PDE4D: variants seen among roughly 807,000 people sequenced by gnomAD.
PDE4D encodes the protein phosphodiesterase 4D.
A neutral mutation model predicts 87.4 loss-of-function variants in PDE4D; 24 were observed. The ratio of observed to expected loss-of-function variants is 0.27; its 90% CI spans 0.20 to 0.39. The LOEUF is 0.39. Among genes scored for constraint, PDE4D ranks in the 10% least tolerant of loss-of-function variants. PDE4D has a pLI of 1.00. For missense variants in PDE4D, 714 were observed against 1,041.0 expected (o/e 0.69, Z 4.32); for synonymous variants, 384 against 383.2 (o/e 1.00, Z -0.02).
chr5:59,524,310 C>T (rs570957287), intron 1 of PDE4D, among the ~76,000 whole-genome samples: 39 of 152,116 alleles, frequency 2.6e-4, no homozygotes, highest in Admixed American at 1.3e-4. Flanking sequence ...TATAGTGATA[C>T]GAACAATGAC....
intron 1 of PDE4D, among the ~76,000 whole-genome samples, chr5:59,233,782 T>C (rs376216749): frequency 2.0e-5 from 3 of 152,266 alleles, no homozygotes; most frequent in Admixed American, 1.3e-4. Context: ...CTGAGGGTGA[T>C]AGAGTAGGTC....
intron 1 of PDE4D, among the ~76,000 whole-genome samples, chr5:59,304,380 C>G (rs1443811442): frequency 6.6e-6 from 1 of 151,972 alleles, no homozygotes; most frequent in African/African-American, 2.4e-5. Context: ...ATTTGGATGC[C>G]CTTTATTTCT....
intron 3 of PDE4D, among the ~76,000 whole-genome samples, chr5:59,952,117 T>C (rs906523748): frequency 2.6e-5 from 4 of 152,166 alleles, no homozygotes; most frequent in South Asian, 2.1e-4. Flanking sequence ...AGAGATCTGA[T>C]AGTTTTCTAA....
intron 1 of PDE4D, among the ~76,000 whole-genome samples, chr5:59,714,566 C>T (rs1754712182): frequency 6.6e-6 from 1 of 152,194 alleles, no homozygotes; most frequent in Non-Finnish European, 1.5e-5. Flanking sequence ...GACAGCCATC[C>T]CATCTATTAC....
chr5:60,247,847 A>C (rs531231963), intron 1 of PDE4D, among the ~76,000 whole-genome samples: 9 of 152,154 alleles, frequency 5.9e-5, no homozygotes, highest in African/African-American at 2.2e-4. Context: ...CCATTAATTC[A>C]ATACAACTTG....
At chr5:59,643,389 C>G (rs1741927301) in intron 1 of PDE4D, among the ~76,000 whole-genome samples, 1 of 151,962 alleles carries the variant, frequency 6.6e-6, no homozygotes, top group Non-Finnish European at 1.5e-5. Flanking sequence ...TGTTGATCAG[C>G]CTGAGGAAGG....
At chr5:59,708,823 G>T (rs191289507) in intron 1 of PDE4D, among the ~76,000 whole-genome samples, 16 of 151,376 alleles carry the variant, frequency 1.1e-4, no homozygotes, top group Middle Eastern at 3.5e-3. Flanking sequence ...ATTAATGAAC[G>T]TTCCACTTCT....
intron 2 of PDE4D, among the ~76,000 whole-genome samples, chr5:60,140,980 C>A (rs538310729): frequency 4.7e-4 from 72 of 152,264 alleles, no homozygotes; most frequent in Non-Finnish European, 7.8e-4. Flanking sequence ...GGCAACTAAG[C>A]CCCTTGCGGG....
intron 5 of PDE4D, among the ~76,000 whole-genome samples, chr5:59,127,959 G>A (rs901667156): frequency 5.3e-5 from 8 of 151,588 alleles, no homozygotes; most frequent in Admixed American, 2.0e-4. Context: ...CCCCCTGAAG[G>A]AGAAGAGAGG....
At chr5:59,102,081 C>CA (rs1770834558) in intron 5 of PDE4D, among the ~76,000 whole-genome samples, 1 of 96,186 alleles carries the variant, frequency 1.0e-5, no homozygotes, top group Non-Finnish European at 2.0e-5. Flanking sequence ...TTTTTCCCTA[C>CA]TTTTTTTTTT....
chr5:60,365,463 C>T (rs148814245), intron 1 of PDE4D, among the ~76,000 whole-genome samples: 19 of 152,176 alleles, frequency 1.2e-4, no homozygotes, highest in Admixed American at 4.6e-4. Flanking sequence ...CCACTCCTTA[C>T]GGTTTTTTAA....
At chr5:59,006,756 G>T (rs1751700019) in intron 6 of PDE4D, among the ~76,000 whole-genome samples, 1 of 152,070 alleles carries the variant, frequency 6.6e-6, no homozygotes, top group Non-Finnish European at 1.5e-5. Flanking sequence ...TACATTTCAG[G>T]ATATTTGAAA....
At chr5:60,054,183 G>A (rs188793109) in intron 2 of PDE4D, among the ~76,000 whole-genome samples, 206 of 152,150 alleles carry the variant, frequency 1.4e-3, no homozygotes, top group African/African-American at 4.5e-3. Context: ...TCCCATTACC[G>A]GATATATACC....
At position 60,190,582 on chromosome 5, in the gene PDE4D, G is replaced by T. The variant is rs1429742429; in HGVS notation, c.-89-4895C>A. Among the ~76,000 whole-genome samples, 22 of 152,240 alleles carry T rather than the reference G, an allele frequency of 1.4e-4. 1 individual carries two copies. The highest frequency in any genetic ancestry group is 5.8e-4 in the East Asian group (3 of 5,176). ...TAGAAAGAACGTAGAGTACAAATAG[G>T]GTAATTGAAGTATAGGGAACATAAG... On this transcript the variant is annotated intron_variant, in intron 1 of 16. Transcript: ENST00000502484.
intron 2 of PDE4D, among the ~76,000 whole-genome samples, chr5:60,149,921 T>C (rs1243748334): frequency 6.8e-6 from 1 of 147,220 alleles, no homozygotes; most frequent in African/African-American, 2.5e-5. Context: ...AATTTATATA[T>C]AATCCTATAT....
In PDE4D at chr5:58,973,866, A is replaced by C. The variant is rs1743095484; in HGVS notation, c.*798T>G. ...AATATGGAAGTCATTGGTATATAAA[A>C]CAAACAATGAATCACTACAAATCAG... is the stretch of plus-strand genomic sequence containing the variant. On this transcript the variant is annotated 3_prime_UTR_variant, in exon 15 of 15. Transcript: ENST00000340635. The C allele has an allele frequency of 6.6e-6, 1 of 152,638 alleles. No homozygotes were observed. Among genetic ancestry groups the C allele is most frequent in the Admixed American group, 6.5e-5 (1 of 15,276 alleles). The allele number at this position is 152,638 out of a possible 1,614,324, so 9.5% of individuals were successfully genotyped here.
intron 1 of PDE4D, among the ~76,000 whole-genome samples, chr5:60,443,445 T>C (rs1745399116): frequency 1.3e-5 from 2 of 152,162 alleles, no homozygotes; most frequent in South Asian, 4.1e-4. Flanking sequence ...AAAAAGTTGC[T>C]TAGGCAATAT....
At chr5:60,378,790 T>C (rs1368526806) in intron 1 of PDE4D, among the ~76,000 whole-genome samples, 1 of 151,444 alleles carries the variant, frequency 6.6e-6, no homozygotes, top group Non-Finnish European at 1.5e-5. Context: ...AAGGCAGAGA[T>C]TGCAGTGAGC....
At chr5:60,514,741 C>T (rs551579921) in intron 1 of PDE4D, among the ~76,000 whole-genome samples, 12 of 151,794 alleles carry the variant, frequency 7.9e-5, no homozygotes, top group Non-Finnish European at 1.3e-4. Flanking sequence ...AAAAATAACT[C>T]AATATTGAAA....
Sources: gnomAD v4.1 joint callset for allele counts (sites outside exome capture counted in the v4.1 genomes callset) on GRCh38, gnomAD v4.1.1 for gene constraint, MANE v1.5 for transcripts, NCBI Gene and HGNC (gene_info 2026-07-23, HGNC 2026-07-21) for gene names.